DCDC1: variants seen among roughly 807,000 people sequenced by gnomAD.
DCDC1 encodes the protein doublecortin domain containing 1.
DCDC1 carries 200 observed loss-of-function variants against 178.3 expected under a neutral mutation model. The ratio of observed to expected loss-of-function variants is 1.12; its 90% confidence interval spans 1.00 to 1.26. DCDC1 has a LOEUF of 1.26. DCDC1 is among the 50% of genes most tolerant of loss of function. DCDC1 has a pLI of 0.00. For missense variants in DCDC1, 1,983 were observed against 1,749.2 expected, an observed-to-expected ratio of 1.13 and a Z score of -2.38; for synonymous variants, 690 against 604.8, an observed-to-expected ratio of 1.14 and a Z score of -2.07.
chr11:30,940,827 C>T (rs1250295872), intron 21 of DCDC1, among the ~76,000 whole-genome samples: 7 of 152,116 alleles, frequency 4.6e-5, no homozygotes, highest in African/African-American at 1.7e-4. Context: ...ATTGGCAGAA[C>T]AGATGCTTAT....
chr11:30,957,179 C>G (rs1416758248), intron 20 of DCDC1, among the ~76,000 whole-genome samples: 1 of 152,096 alleles, frequency 6.6e-6, no homozygotes, highest in Non-Finnish European at 1.5e-5. Context: ...CTCCTGCTTT[C>G]TGCTGTTAAT....
At chr11:30,867,097 C>T (rs1040975648) in intron 38 of DCDC1, among the ~76,000 whole-genome samples, 1 of 152,172 alleles carries the variant, frequency 6.6e-6, no homozygotes, top group Non-Finnish European at 1.5e-5. Context: ...CCTTGCCTAA[C>T]TCAGTTGTCA....
intron 15 of DCDC1, among the ~76,000 whole-genome samples, chr11:31,095,584 C>T (rs993388374): frequency 2.6e-5 from 4 of 152,146 alleles, no homozygotes; most frequent in Non-Finnish European, 5.9e-5. Context: ...GGAGTTCACA[C>T]AATCTCCTAA....
chr11:31,265,616 A>G lies in DCDC1; in HGVS notation c.961-16T>C. On this transcript the variant is annotated splice_polypyrimidine_tract_variant and intron_variant, in intron 7 of 38. Coordinates refer to ENST00000684477, the MANE Select transcript of DCDC1 (RefSeq NM_001387274.1). ...TATCTAAAACCTGTGCAGGAAAAAA[A>G]AATTATAAATAATTTAGTAAACTGG... 7.9e-7 allele frequency: 1 copy of G among 1,263,274 alleles called. No individual in the cohort carries two copies. Among genetic ancestry groups the G allele is most frequent in the Non-Finnish European group, 1.0e-6 (1 of 965,388 alleles). 78.3% of individuals were successfully genotyped at this position (1,263,274 alleles called of 1,614,324 possible). A position where few individuals can be genotyped will look rare whatever the true frequency, so the allele number is the denominator to read the frequency against.
At chr11:31,058,701 C>G (rs1348053237) in intron 20 of DCDC1, among the ~76,000 whole-genome samples, 1 of 152,036 alleles carries the variant, frequency 6.6e-6, no homozygotes, top group Admixed American at 6.6e-5. Context: ...TTCCCATGAT[C>G]TGAATTATGA....
At chr11:31,122,835 C>T (rs1961011261) in intron 11 of DCDC1, among the ~76,000 whole-genome samples, 1 of 152,132 alleles carries the variant, frequency 6.6e-6, no homozygotes, top group South Asian at 2.1e-4. Flanking sequence ...AATTTTTGTG[C>T]TATTCACAAT....
chr11:31,352,031 A>C (rs1246220244), intron 1 of DCDC1, among the ~76,000 whole-genome samples: 1 of 152,186 alleles, frequency 6.6e-6, no homozygotes, highest in Non-Finnish European at 1.5e-5. Flanking sequence ...AAAGTTGCTC[A>C]ACTATTATTG....
At position 30,899,581 on chromosome 11, in the gene DCDC1, A is replaced by G. The variant is rs1466563222; in HGVS notation, c.4725T>C (p.Ala1575=). 1 of 1,587,442 alleles carries G rather than the reference A, an allele frequency of 6.3e-7. No individual in the cohort carries two copies. Among genetic ancestry groups the G allele is most frequent in the Non-Finnish European group, 8.6e-7 (1 of 1,166,150 alleles). ...TTTTGTGTCTCATGGTATCTAGATCAGCCAAAATTCTGTCCTTTTTTAGCC... is the reference window on the plus strand; with the variant it reads ...TTTTGTGTCTCATGGTATCTAGATCGGCCAAAATTCTGTCCTTTTTTAGCC... ...QNWLKKDRIL[A]DLDTMRHKMR... Residue 1575 remains alanine (A), a synonymous_variant, in exon 34 of 39, where the codon GCT becomes GCC. Transcript: ENST00000684477.
chr11:30,945,430 A>C lies in DCDC1; in HGVS notation c.2715+7015T>G, dbSNP rs147194586. ...CAATATTGGCCAGGTGCAGTGGCTC[A>C]TGCCTGCAATCCTAGCACTTTGGGA... On this transcript the variant is annotated intron_variant, in intron 21 of 38. Transcript: ENST00000684477. 2.4e-4 allele frequency among the ~76,000 whole-genome samples: 36 copies of C among 152,086 alleles called. 1 individual carries two copies. The highest frequency in any genetic ancestry group is 8.4e-4 in the African/African-American group (35 of 41,518).
At chr11:30,922,955 A>G (rs1946344906) in intron 23 of DCDC1, among the ~76,000 whole-genome samples, 1 of 141,882 alleles carries the variant, frequency 7.0e-6, no homozygotes, top group Admixed American at 7.0e-5. Flanking sequence ...TAAGAAGAAG[A>G]GGGAAGGAAG....
At chr11:31,212,753 A>G (rs1972729189) in intron 9 of DCDC1, among the ~76,000 whole-genome samples, 1 of 152,218 alleles carries the variant, frequency 6.6e-6, no homozygotes, top group Admixed American at 6.5e-5. Context: ...TGGGGAAAAA[A>G]TAAATCTGTA....
At chr11:30,921,365 T>G (rs2134244314) in intron 24 of DCDC1, among the ~76,000 whole-genome samples, 1 of 152,312 alleles carries the variant, frequency 6.6e-6, no homozygotes, top group Non-Finnish European at 1.5e-5. Context: ...ATTTTTTTTC[T>G]TTTTCTTTTC....
At chr11:31,214,561 T>C (rs1591436381) in intron 9 of DCDC1, among the ~76,000 whole-genome samples, 1 of 152,132 alleles carries the variant, frequency 6.6e-6, no homozygotes, top group Admixed American at 6.5e-5. Context: ...ATGAGCATTA[T>C]GCAGATTAGA....
intron 17 of DCDC1, among the ~76,000 whole-genome samples, chr11:31,085,636 G>A (rs1957426142): frequency 6.6e-6 from 1 of 152,046 alleles, no homozygotes; most frequent in Admixed American, 6.6e-5. Context: ...TGGATGGGAT[G>A]GACATTTGAG....
chr11:31,180,027 A>G (rs573052412), intron 9 of DCDC1, among the ~76,000 whole-genome samples: 1 of 152,316 alleles, frequency 6.6e-6, no homozygotes, highest in East Asian at 1.9e-4. Context: ...GAAGGACAAA[A>G]CCATATGATC....
intron 38 of DCDC1, among the ~76,000 whole-genome samples, chr11:30,866,617 G>A (rs1013232175): frequency 6.6e-6 from 1 of 152,128 alleles, no homozygotes; most frequent in Non-Finnish European, 1.5e-5. Context: ...CTAAGGAGAG[G>A]AATGGCACAG....
intron 38 of DCDC1, among the ~76,000 whole-genome samples, chr11:30,868,343 C>A (rs1193044850): frequency 6.9e-6 from 1 of 145,464 alleles, no homozygotes; most frequent in East Asian, 2.0e-4. Context: ...CTCCGCCTCC[C>A]GGGTTCCAGA....
chr11:31,068,855 A>AT (rs201114514), intron 18 of DCDC1, among the ~76,000 whole-genome samples: 212 of 145,190 alleles, frequency 1.5e-3, no homozygotes, highest in African/African-American at 1.8e-3. Context: ...TCATTAATGT[A>AT]TTTTTTTTTT....
At chr11:31,066,782 G>A (rs1956275700) in intron 18 of DCDC1, among the ~76,000 whole-genome samples, 1 of 152,124 alleles carries the variant, frequency 6.6e-6, no homozygotes, top group Admixed American at 6.6e-5. Flanking sequence ...TACTATAATG[G>A]TGGATATATG....
Sources: allele counts gnomAD v4.1 joint callset (sites outside exome capture counted in the v4.1 genomes callset), GRCh38; gene constraint gnomAD v4.1.1; transcripts MANE v1.5; gene names NCBI Gene and HGNC (gene_info 2026-07-23, HGNC 2026-07-21).